The following SLCO1B3 variants were observed in gnomAD, a reference collection of about 807,000 sequenced individuals.
SLCO1B3 encodes liver-specific organic anion transporter 2.
In SLCO1B3, 72 loss-of-function variants were observed where a neutral mutation model predicts 71.8. The observed-to-expected ratio is 1.00, with a 90% CI of 0.83 to 1.22. The LOEUF (loss-of-function observed/expected upper bound fraction) is 1.22. Among genes scored for constraint, SLCO1B3 ranks in the 50% most tolerant of loss-of-function variants. The probability of loss-of-function intolerance (pLI) is 0.00; values close to 1 mark genes in which losing one functional copy is unlikely to be tolerated. For missense variants in SLCO1B3, 911 were observed against 819.7 expected (o/e 1.11, Z -1.36); for synonymous variants, 298 against 278.4 (o/e 1.07, Z -0.70).
At chr12:20,897,654 C>G (rs980986994) in intron 13 of SLCO1B3, among the ~76,000 whole-genome samples, 1 of 152,042 alleles carries the variant, frequency 6.6e-6, no homozygotes. Flanking sequence ...TCCAACACTT[C>G]GAGGAGAAAA....
chr12:20,914,079 A>G (rs1866442963), intron 15 of SLCO1B3, among the ~76,000 whole-genome samples: 1 of 152,028 alleles, frequency 6.6e-6, no homozygotes, highest in African/African-American at 2.4e-5. Flanking sequence ...TGGTCTTTTA[A>G]TTGGTGTATT....
intron 15 of SLCO1B3, among the ~76,000 whole-genome samples, chr12:20,905,186 T>C (rs1004666527): frequency 1.3e-5 from 2 of 152,090 alleles, no homozygotes; most frequent in African/African-American, 4.8e-5. Flanking sequence ...AGGTGTCATC[T>C]CCCAAGGTTG....
At chr12:20,883,637 T>C (rs1865738966) in intron 13 of SLCO1B3, 35 bp downstream of exon 13, 2 of 1,414,448 alleles carry the variant, frequency 1.4e-6, no homozygotes, top group Admixed American at 2.3e-5. Flanking sequence ...GTCATGTATA[T>C]TAGACTAAAA....
At chr12:20,857,949 A>G (rs893918708) in intron 4 of SLCO1B3, among the ~76,000 whole-genome samples, 1 of 152,126 alleles carries the variant, frequency 6.6e-6, no homozygotes, top group Non-Finnish European at 1.5e-5. Context: ...CCCTATTTCC[A>G]TAATCTAATA....
chr12:20,811,284 A>C (rs1864106392), intron 1 of SLCO1B3, among the ~76,000 whole-genome samples: 1 of 152,122 alleles, frequency 6.6e-6, no homozygotes, highest in South Asian at 2.1e-4. Context: ...GAGATTTTCT[A>C]GATAACTTTT....
At chr12:20,835,575 A>G (rs1864662053) in intron 3 of SLCO1B3, among the ~76,000 whole-genome samples, 1 of 152,152 alleles carries the variant, frequency 6.6e-6, no homozygotes, top group Non-Finnish European at 1.5e-5. Context: ...GAATAACAAG[A>G]ATCACATTTG....
At chr12:20,882,628 A>G (rs941951995) in intron 12 of SLCO1B3, among the ~76,000 whole-genome samples, 1 of 151,976 alleles carries the variant, frequency 6.6e-6, no homozygotes, top group Non-Finnish European at 1.5e-5. Context: ...CTGGTCGCAA[A>G]CTCGTGACCT....
chr12:20,867,577 AGAC>A (rs2121269633), intron 8 of SLCO1B3, among the ~76,000 whole-genome samples: 1 of 152,318 alleles, frequency 6.6e-6, no homozygotes, highest in South Asian at 2.1e-4. Context: ...ATGAGGAAGA[AGAC>A]ATGGAAGAAG....
At chr12:20,869,145 G>T (rs1328151632) in intron 8 of SLCO1B3, among the ~76,000 whole-genome samples, 1 of 150,776 alleles carries the variant, frequency 6.6e-6, no homozygotes, top group Non-Finnish European at 1.5e-5. Flanking sequence ...CGGGGAAAGG[G>T]TGACTCCCTT....
intron 3 of SLCO1B3, among the ~76,000 whole-genome samples, chr12:20,824,153 A>AT (rs1315135289): frequency 6.6e-6 from 1 of 152,228 alleles, no homozygotes. Flanking sequence ...AATTTACTAA[A>AT]TTCACTTTAT....
intron 3 of SLCO1B3, among the ~76,000 whole-genome samples, chr12:20,822,911 T>G (rs1864346403): frequency 1.3e-5 from 2 of 152,206 alleles, no homozygotes; most frequent in African/African-American, 4.8e-5. Flanking sequence ...CCTTTTTCCT[T>G]TTAAAATCTT....
intron 15 of SLCO1B3, among the ~76,000 whole-genome samples, chr12:20,912,683 G>C (rs7965180): frequency 0.79 from 119,082 of 151,302 alleles, 51,236 homozygotes; most frequent in South Asian, 0.95. Flanking sequence ...ACCCCCACAC[G>C]CAGCTAATTT....
At chr12:20,882,286 A>G (rs1412772952) in intron 12 of SLCO1B3, among the ~76,000 whole-genome samples, 6 of 152,198 alleles carry the variant, frequency 3.9e-5, no homozygotes, top group Non-Finnish European at 8.8e-5. Context: ...CTCTGTATCA[A>G]AGTTGGGTTT....
intron 10 of SLCO1B3, among the ~76,000 whole-genome samples, 159 bp downstream of exon 10, chr12:20,878,095 G>A (rs900112344): frequency 4.0e-5 from 6 of 151,628 alleles, no homozygotes; most frequent in South Asian, 2.1e-4. Context: ...TAATATCATC[G>A]TTGTTCTGCA....
At chr12:20,828,106 T>C (rs907716070) in intron 3 of SLCO1B3, among the ~76,000 whole-genome samples, 6 of 152,136 alleles carry the variant, frequency 3.9e-5, no homozygotes, top group Non-Finnish European at 7.4e-5. Flanking sequence ...TCTCTATCTT[T>C]TAATTGGATC....
At chr12:20,835,675 G>A (rs554016791) in intron 3 of SLCO1B3, among the ~76,000 whole-genome samples, 5 of 152,280 alleles carry the variant, frequency 3.3e-5, no homozygotes, top group African/African-American at 1.2e-4. Flanking sequence ...TTTGATAAAA[G>A]CCATTCAACA....
rs866205638 is a variant in SLCO1B3 at position 20,909,341 on chromosome 12, T to G, written c.1866-6663T>G. On this transcript the variant is annotated intron_variant, in intron 15 of 15. Transcript: ENST00000381545. ...CCACCACGCCTGGCTAATTTTTTTT[T>G]TTTTTGTATTTTTAGTAGAGACAGG... 6.0e-4 allele frequency among the ~76,000 whole-genome samples: 89 copies of G among 149,126 alleles called. 1 individual carries two copies. Among genetic ancestry groups the G allele is most frequent in the African/African-American group, 2.1e-3 (85 of 40,806 alleles).
At chr12:20,902,640 TAATAA>T (rs1866151523) in intron 15 of SLCO1B3, among the ~76,000 whole-genome samples, 4 of 152,196 alleles carry the variant, frequency 2.6e-5, no homozygotes, top group African/African-American at 9.6e-5. Flanking sequence ...CAAGAACAGA[TAATAA>T]AATATTTTAA....
chr12:20,849,855 A>G lies in SLCO1B3; in HGVS notation c.85-5173A>G, dbSNP rs569648408. ...ATATATAGGAACAAATTTAAACAAA[A>G]AGGTTAAAAAAAATCACACACTGTA... On this transcript the variant is annotated intron_variant, in intron 3 of 15. Coordinates refer to ENST00000381545, the MANE Select transcript of SLCO1B3 (RefSeq NM_019844.4). 2.6e-5 allele frequency among the ~76,000 whole-genome samples: 4 copies of G among 152,176 alleles called. No individual in the cohort carries two copies. In the South Asian group the frequency reaches 8.3e-4, roughly 32 times the overall value.
Sources: gnomAD v4.1 joint callset for allele counts (sites outside exome capture counted in the v4.1 genomes callset) on GRCh38, gnomAD v4.1.1 for gene constraint, MANE v1.5 for transcripts, NCBI Gene and HGNC (gene_info 2026-07-23, HGNC 2026-07-21) for gene names.